The following ENOX1 variants were observed in gnomAD, a reference collection of about 807,000 sequenced individuals.
ENOX1 encodes the protein candidate growth-related and time keeping constitutive hydroquinone (NADH) oxidase.
ENOX1 carries 42 observed loss-of-function variants against 82.5 expected under a neutral mutation model. The ratio of observed to expected loss-of-function variants is 0.51; its 90% CI spans 0.40 to 0.66. The LOEUF (loss-of-function observed/expected upper bound fraction) is 0.66, where lower values mean the gene tolerates loss of function less well. Among genes scored for constraint, ENOX1 ranks in the 30% least tolerant of loss-of-function variants. ENOX1 has a pLI of 0.00. For missense variants in ENOX1, 608 were observed against 811.6 expected, an observed-to-expected ratio of 0.75 and a Z score of 3.05; for synonymous variants, 271 against 282.2, an observed-to-expected ratio of 0.96 and a Z score of 0.40.
At chr13:43,562,436 T>C (rs1469759022) in intron 2 of ENOX1, among the ~76,000 whole-genome samples, 1 of 151,910 alleles carries the variant, frequency 6.6e-6, no homozygotes, top group Non-Finnish European at 1.5e-5. Flanking sequence ...AAAATCGCCT[T>C]CATTAAAAGG....
Position 43,616,752 on chromosome 13 carries a change from T to C in ENOX1, c.-219+50727A>G, listed in dbSNP as rs553465475. ...CATTTCTCTCTCTTCCCTTCTTCTT[T>C]TCCTCCTATTTTAACTTAAAAACCT... On this transcript the variant is annotated intron_variant, in intron 2 of 16. Transcript: ENST00000690772. Among the ~76,000 whole-genome samples the C allele has an allele frequency of 7.9e-5, 12 of 152,298 alleles. No homozygotes were observed. The South Asian group carries it at 2.5e-3, about 32-fold the overall frequency.
At chr13:43,692,927 T>C (rs2086441178) in intron 1 of ENOX1, among the ~76,000 whole-genome samples, 1 of 152,138 alleles carries the variant, frequency 6.6e-6, no homozygotes, top group Admixed American at 6.5e-5. Flanking sequence ...CATCTATCAA[T>C]GAGGTGTTCT....
chr13:43,772,749 T>TAAAAAAAAAAAAAAAAAAAAAA (rs35359203), intron 1 of ENOX1, among the ~76,000 whole-genome samples: 1 of 112,110 alleles, frequency 8.9e-6, no homozygotes, highest in African/African-American at 3.9e-5. Flanking sequence ...ACTCTGTCTT[T>TAAAAAAAAAAAAAAAAAAAAAA]AAAAAAAAAA....
chr13:43,272,621 A>G (rs967337149), intron 12 of ENOX1, among the ~76,000 whole-genome samples: 1 of 152,196 alleles, frequency 6.6e-6, no homozygotes, highest in Admixed American at 6.5e-5. Context: ...GTTTATTTAT[A>G]ATTTTTAAAA....
intron 11 of ENOX1, among the ~76,000 whole-genome samples, chr13:43,313,221 C>A (rs1030610913): frequency 5.9e-5 from 9 of 152,172 alleles, no homozygotes; most frequent in Admixed American, 1.3e-4. Context: ...CTCAACATTT[C>A]TGCCTGGTTT....
At chr13:43,706,722 A>T (rs2087317589) in intron 1 of ENOX1, among the ~76,000 whole-genome samples, 1 of 151,944 alleles carries the variant, frequency 6.6e-6, no homozygotes, top group Non-Finnish European at 1.5e-5. Flanking sequence ...GAAAAAAAAA[A>T]AACAAGCTCC....
intron 2 of ENOX1, among the ~76,000 whole-genome samples, chr13:43,508,823 AATT>A (rs2153673219): frequency 6.6e-6 from 1 of 152,150 alleles, no homozygotes; most frequent in Non-Finnish European, 1.5e-5. Flanking sequence ...AGCTAAAAAA[AATT>A]ATTAGTTTTT....
intron 12 of ENOX1, among the ~76,000 whole-genome samples, chr13:43,297,560 T>C (rs780842449): frequency 1.4e-4 from 22 of 152,178 alleles, no homozygotes; most frequent in African/African-American, 2.9e-4. Flanking sequence ...CAGGTACCAA[T>C]TGACGTTTTC....
At chr13:43,298,185 C>G (rs2046378419) in intron 12 of ENOX1, among the ~76,000 whole-genome samples, 161 bp downstream of exon 12, 1 of 152,140 alleles carries the variant, frequency 6.6e-6, no homozygotes, top group African/African-American at 2.4e-5. Flanking sequence ...AGATTCTACC[C>G]TTCCACAAAC....
chr13:43,366,350 C>A (rs1267400638), intron 5 of ENOX1, among the ~76,000 whole-genome samples: 1 of 152,100 alleles, frequency 6.6e-6, no homozygotes, highest in Non-Finnish European at 1.5e-5. Flanking sequence ...TCTCAGCTCA[C>A]TGCAAGCTCC....
At chr13:43,592,759 T>C (rs1408705076) in intron 2 of ENOX1, among the ~76,000 whole-genome samples, 1 of 152,198 alleles carries the variant, frequency 6.6e-6, no homozygotes, top group East Asian at 1.9e-4. Context: ...ATTTGCCAGA[T>C]TGCTATCCTC....
At chr13:43,315,170 T>G (rs1405657073) in intron 11 of ENOX1, among the ~76,000 whole-genome samples, 1 of 152,184 alleles carries the variant, frequency 6.6e-6, no homozygotes, top group Non-Finnish European at 1.5e-5. Context: ...ACAATTTTGT[T>G]TTCTTCTTTA....
chr13:43,488,487 G>A (rs550208113), intron 2 of ENOX1, among the ~76,000 whole-genome samples: 5 of 152,156 alleles, frequency 3.3e-5, no homozygotes, highest in Admixed American at 3.3e-4. Context: ...CTAATCAATG[G>A]TATTTGTTAT....
intron 3 of ENOX1, among the ~76,000 whole-genome samples, chr13:43,465,634 G>C (rs1391596207): frequency 6.6e-6 from 1 of 152,072 alleles, no homozygotes; most frequent in Non-Finnish European, 1.5e-5. Context: ...CCCCTCAGCA[G>C]AAAGAGCCAA....
intron 3 of ENOX1, among the ~76,000 whole-genome samples, chr13:43,423,536 G>A (rs2055101469): frequency 6.6e-6 from 1 of 152,202 alleles, no homozygotes; most frequent in African/African-American, 2.4e-5. Flanking sequence ...TCTCCAAAAT[G>A]TTTCTGACAG....
chr13:43,311,353 A>C (rs1240431101), intron 11 of ENOX1, among the ~76,000 whole-genome samples: 1 of 74,134 alleles, frequency 1.3e-5, no homozygotes, highest in African/African-American at 4.3e-5. Context: ...AGGATTAAAT[A>C]GGTAATAGGG....
chr13:43,775,274 C>T (rs931046072), intron 1 of ENOX1, among the ~76,000 whole-genome samples: 1 of 152,180 alleles, frequency 6.6e-6, no homozygotes, highest in Non-Finnish European at 1.5e-5. Flanking sequence ...CCTCAGCCTC[C>T]TGAGTAGCTT....
chr13:43,225,347 C>T (rs2041978484), intron 15 of ENOX1, among the ~76,000 whole-genome samples: 1 of 152,164 alleles, frequency 6.6e-6, no homozygotes, highest in Non-Finnish European at 1.5e-5. Context: ...TTCAGTCATA[C>T]CCCAAACCTC....
Position 43,474,905 on chromosome 13 carries a change from G to A in ENOX1, c.-75+9104C>T, listed in dbSNP as rs536943341. ...TCTCGGTAGCTTGACCCTCTTGTCTGGTATTCCTGAGAGAATGGGCCTACC... is the reference window on the plus strand; with the variant it reads ...TCTCGGTAGCTTGACCCTCTTGTCTAGTATTCCTGAGAGAATGGGCCTACC... On this transcript the variant is annotated intron_variant, in intron 3 of 16. Transcript: ENST00000690772. Among the ~76,000 whole-genome samples, 11 of 152,018 alleles carry A rather than the reference G, an allele frequency of 7.2e-5. No individual in the cohort carries two copies. The East Asian group carries it at 1.9e-3, about 27-fold the overall frequency.
Sources: allele counts gnomAD v4.1 joint callset (sites outside exome capture counted in the v4.1 genomes callset), GRCh38; gene constraint gnomAD v4.1.1; transcripts MANE v1.5; gene names NCBI Gene and HGNC (gene_info 2026-07-23, HGNC 2026-07-21).